The following CEP72 variants were observed in gnomAD, a reference collection of about 807,000 sequenced individuals.
CEP72 encodes centrosomal protein of 72 kDa.
In CEP72, 78 loss-of-function variants were observed where a neutral mutation model predicts 65.7. The ratio of observed to expected loss-of-function variants is 1.19; its 90% confidence interval spans 0.99 to 1.43. CEP72 has a LOEUF of 1.43. Among genes scored for constraint, CEP72 ranks in the 40% most tolerant of loss-of-function variants. The probability of loss-of-function intolerance (pLI) is 0.00; values close to 1 mark genes in which losing one functional copy is unlikely to be tolerated. For missense variants in CEP72, 914 were observed against 832.9 expected, an observed-to-expected ratio of 1.10 and a Z score of -1.20; for synonymous variants, 358 against 351.7, an observed-to-expected ratio of 1.02 and a Z score of -0.20.
downstream of CEP72, among the ~76,000 whole-genome samples, chr5:671,323 G>A (rs565565122): frequency 6.6e-6 from 1 of 152,310 alleles, no homozygotes; most frequent in Admixed American, 6.5e-5. Context: ...GTGGGACGTG[G>A]ACTTGGGGCC....
chr5:671,224 G>A (rs563957913), downstream of CEP72, among the ~76,000 whole-genome samples: 16 of 151,710 alleles, frequency 1.1e-4, no homozygotes, highest in South Asian at 6.3e-4. Context: ...TTGCGTTGCT[G>A]CCGGCCTTTT....
downstream of CEP72, among the ~76,000 whole-genome samples, chr5:669,473 T>A (rs1207915396): frequency 1.3e-5 from 2 of 152,076 alleles, no homozygotes; most frequent in African/African-American, 2.4e-5. Context: ...GGGTGTTGAC[T>A]CTCTGGGGCC....
chr5:627,910 G>A (rs564070171), intron 4 of CEP72, among the ~76,000 whole-genome samples: 23 of 152,196 alleles, frequency 1.5e-4, no homozygotes, highest in Non-Finnish European at 2.4e-4. Flanking sequence ...GTCTTCCCCC[G>A]CCATTCACGC....
chr5:612,529 C>A, intron 1 of CEP72, 86 bp downstream of exon 1: 1 of 1,305,204 alleles, frequency 7.7e-7, no homozygotes, highest in Non-Finnish European at 9.7e-7. Flanking sequence ...GGACCGTGGG[C>A]AGGCGGGACC....
chr5:663,326 G>A (rs1739757998), intron 1 of CEP72: 1 of 152,582 alleles, frequency 6.6e-6, no homozygotes, highest in African/African-American at 2.4e-5. Context: ...GCTGGGCTTG[G>A]GCACCCCCCG....
intron 4 of CEP72, among the ~76,000 whole-genome samples, chr5:666,366 G>C (rs1437606679): frequency 6.6e-6 from 1 of 152,248 alleles, no homozygotes; most frequent in Non-Finnish European, 1.5e-5. Context: ...GGGTGTGTGC[G>C]GGTCTGCACT....
chr5:637,209 C>T (rs1709555), intron 6 of CEP72, among the ~76,000 whole-genome samples: 39,382 of 152,080 alleles, frequency 0.26, 5,275 homozygotes, highest in East Asian at 0.44. Flanking sequence ...TCGGTCATCA[C>T]GGGGTGAACA....
chr5:652,488 T>C (rs1463422925), intron 11 of CEP72, among the ~76,000 whole-genome samples: 4 of 152,186 alleles, frequency 2.6e-5, no homozygotes, highest in Admixed American at 2.6e-4. Flanking sequence ...GTGGGTAAAA[T>C]GTAATAGCAC....
the CEP72 span, among the ~76,000 whole-genome samples, chr5:675,415 GTGGCCA>G: frequency 8.8e-6 from 1 of 113,544 alleles, no homozygotes; most frequent in Non-Finnish European, 2.0e-5. Flanking sequence ...GGGGTGCAGT[GTGGCCA>G]GGGGTGCAGC....
downstream of CEP72, among the ~76,000 whole-genome samples, chr5:659,017 C>A (rs543809115): frequency 6.6e-6 from 1 of 152,210 alleles, no homozygotes; most frequent in Non-Finnish European, 1.5e-5. Flanking sequence ...TCTGCCATCT[C>A]ATTTTGTGCT....
the CEP72 span, among the ~76,000 whole-genome samples, chr5:674,051 C>G: frequency 2.0e-5 from 3 of 152,172 alleles, no homozygotes; most frequent in Non-Finnish European, 4.4e-5. Flanking sequence ...TCCGGGCCAG[C>G]GCCAAGGCTG....
In CEP72 at chr5:641,638, CAT is replaced by C. The variant is rs770049732; in HGVS notation, c.1539+1035_1539+1036del. ...ATCTGGAAGCCTCTGTATTTAAACA[CAT>C]GTGGGCCTCCTCCATCTGGAAGCCT... is the stretch of plus-strand genomic sequence containing the variant. On this transcript the variant is annotated intron_variant, in intron 9 of 11. Transcript: ENST00000264935. 725 of 983,262 alleles carry C rather than the reference CAT, an allele frequency of 7.4e-4. 4 individuals are homozygous for C. The highest frequency in any genetic ancestry group is 2.1e-3 in the Middle Eastern group (4 of 1,908). 60.9% of individuals were successfully genotyped at this position (983,262 alleles called of 1,614,324 possible).
At chr5:616,795 G>A (rs1461891384) in intron 1 of CEP72, among the ~76,000 whole-genome samples, 1 of 139,040 alleles carries the variant, frequency 7.2e-6, no homozygotes, top group Non-Finnish European at 1.6e-5. Flanking sequence ...GTGGACGAGG[G>A]GTGTGTGTGT....
chr5:642,626 T>TCTGCAGTTTGCCTAACCC lies in CEP72; in HGVS notation c.1540-1661_1540-1644dup, dbSNP rs1377316841. 1.1e-5 allele frequency: 11 copies of TCTGCAGTTTGCCTAACCC among 985,360 alleles called. No individual in the cohort carries two copies. In the East Asian group the frequency reaches 4.5e-4, roughly 41 times the overall value. 61.0% of individuals were successfully genotyped at this position (985,360 alleles called of 1,614,324 possible). ...GCCGTGGACGCCTGCTTTTTTGCCC[T>TCTGCAGTTTGCCTAACCC]CTGCAGTTTGCCTAACCCCTGCAGT... On this transcript the variant is annotated intron_variant, in intron 9 of 11. Transcript: ENST00000264935.
chr5:613,077 C>T (rs139163490), intron 1 of CEP72, among the ~76,000 whole-genome samples: 1 of 152,262 alleles, frequency 6.6e-6, no homozygotes, highest in African/African-American at 2.4e-5. Flanking sequence ...GTTAGAGAAC[C>T]GTTCATATTA....
In CEP72 at chr5:637,612, A is replaced by C. The variant is rs1482390991; in HGVS notation, c.1000A>C (p.Lys334Gln). ...GPLPAPGKCR[K>Q]RRMPVGRFQT... ...CCTGCCAGCCCCCGGAAAGTGCAGG[A>C]AGCGAAGAATGCCTGTTGGAAGATT... Residue 334 changes from lysine to glutamine, a missense_variant, in exon 7 of 12, where the codon AAG (lysine) becomes CAG (glutamine). By Grantham distance (53) the Lys-to-Gln change is moderately conservative. Transcript: ENST00000264935. 3 of 1,613,950 alleles carry C rather than the reference A, an allele frequency of 1.9e-6. No homozygotes were observed. Among genetic ancestry groups the C allele is most frequent in the African/African-American group, 1.3e-5 (1 of 74,940 alleles).
At chr5:641,790 G>A (rs1738051297) in intron 9 of CEP72, 2 of 982,952 alleles carry the variant, frequency 2.0e-6, no homozygotes, top group African/African-American at 3.6e-5. Context: ...CCGTCTAGAA[G>A]CCTGTGCATT....
intron 9 of CEP72, chr5:642,823 C>T (rs1738148749): frequency 1.0e-6 from 1 of 985,332 alleles, no homozygotes; most frequent in South Asian, 4.7e-5. Context: ...CCAGGGAGGC[C>T]CACATCTGTC....
At chr5:670,518 C>T (rs2126881512), downstream of CEP72, among the ~76,000 whole-genome samples, 1 of 152,184 alleles carries the variant, frequency 6.6e-6, no homozygotes, top group African/African-American at 2.4e-5. Context: ...GCCCCTGAGA[C>T]CTGAGGAGGC....
Sources: gnomAD v4.1 joint callset for allele counts (sites outside exome capture counted in the v4.1 genomes callset) on GRCh38, gnomAD v4.1.1 for gene constraint, MANE v1.5 for transcripts, NCBI Gene and HGNC (gene_info 2026-07-23, HGNC 2026-07-21) for gene names.